Variants in IQCH observed in about 807,000 individuals in gnomAD.
The protein encoded by IQCH is IQ motif containing H.
A neutral mutation model predicts 117.0 loss-of-function variants in IQCH; 98 were observed. The observed-to-expected ratio is 0.84, with a 90% CI of 0.71 to 0.99. The LOEUF is 0.99. Among genes scored for constraint, IQCH ranks in the 50% least tolerant of loss-of-function variants. IQCH has a pLI of 0.00. For missense variants in IQCH, 1,102 were observed against 1,243.8 expected (o/e 0.89, Z 1.72); for synonymous variants, 412 against 448.2 (o/e 0.92, Z 1.02).
At chr15:67,489,738 G>C (rs760013701) in intron 18 of IQCH, among the ~76,000 whole-genome samples, 8 of 151,672 alleles carry the variant, frequency 5.3e-5, no homozygotes, top group Non-Finnish European at 1.5e-5. Context: ...GAGCTTGCAT[G>C]ATGCCCATGA....
chr15:67,437,301 G>C (rs946606607), intron 16 of IQCH, among the ~76,000 whole-genome samples: 1 of 152,164 alleles, frequency 6.6e-6, no homozygotes, highest in Non-Finnish European at 1.5e-5. Context: ...ACCCAGAAGA[G>C]AGACAACAAT....
Position 67,431,181 on chromosome 15 carries a change from T to G in IQCH, c.2505+9604T>G, listed in dbSNP as rs938319655. On this transcript the variant is annotated intron_variant, in intron 16 of 20. Coordinates refer to ENST00000335894, the MANE Select transcript of IQCH (RefSeq NM_001031715.3). The surrounding 1 kb of genome is among the most constrained non-coding windows in gnomAD (Gnocchi z 4.8). The stretch of plus-strand genomic sequence containing the variant: ...TAAGTCTTACAAATATCATGTTGGA[T>G]TCACCTCAAGTAAATATACATTTAT... Among the ~76,000 whole-genome samples the G allele has an allele frequency of 2.6e-5, 4 of 152,176 alleles. No homozygotes were observed. The highest frequency in any genetic ancestry group is 4.4e-5 in the Non-Finnish European group (3 of 68,038).
chr15:67,324,018 A>G (rs905451054), intron 4 of IQCH, among the ~76,000 whole-genome samples: 1 of 131,098 alleles, frequency 7.6e-6, no homozygotes, highest in African/African-American at 3.0e-5. Flanking sequence ...ATCTCGGCTC[A>G]CTGCAACCTC....
chr15:67,477,640 T>C (rs2083238183), intron 18 of IQCH, among the ~76,000 whole-genome samples: 1 of 152,208 alleles, frequency 6.6e-6, no homozygotes, highest in South Asian at 2.1e-4. Context: ...ATTAAATAGA[T>C]TTTAACCCCA....
At position 67,388,925 on chromosome 15, in the gene IQCH, C is replaced by T; in HGVS notation, c.1551C>T (p.Val517=). ...AAATCCTAAGTCTACATGCAGCCGT[C>T]AAATCTGGGAACCTTGAGGACAGAA... The part of the protein sequence containing the change: ...YKKILSLHAA[V]KSGNLEDRSD... The change falls in exon 12 of 21, where the codon GTC becomes GTT. Residue 517 remains valine, a synonymous_variant. Coordinates refer to ENST00000335894, the MANE Select transcript of IQCH (RefSeq NM_001031715.3). The surrounding 1 kb of genome is among the most constrained non-coding windows in gnomAD (Gnocchi z 5.5). 6.2e-7 allele frequency: 1 copy of T among 1,613,940 alleles called. No homozygotes were observed.
intron 4 of IQCH, among the ~76,000 whole-genome samples, chr15:67,290,941 G>A (rs539642478): frequency 5.0e-5 from 4 of 79,754 alleles, no homozygotes; most frequent in African/African-American, 7.0e-5. Context: ...AGCACTGCTG[G>A]CCTTTATGGG....
intron 18 of IQCH, among the ~76,000 whole-genome samples, chr15:67,477,671 T>C (rs1368751180): frequency 1.3e-5 from 2 of 152,200 alleles, no homozygotes; most frequent in Non-Finnish European, 2.9e-5. Context: ...ATAAAACACT[T>C]CCACATTCCA....
In IQCH at chr15:67,417,605, T is replaced by C. The variant is rs1357530975; in HGVS notation, c.2218+554T>C. On this transcript the variant is annotated intron_variant, in intron 15 of 20. Transcript: ENST00000335894. The surrounding 1 kb of genome is among the most constrained non-coding windows in gnomAD (Gnocchi z 4.3). ...CTACAATCCAGGAACAAAGCGAGCC[T>C]CCATTCCTTTCATCCTCCTCCTCCT... Among the ~76,000 whole-genome samples the C allele has an allele frequency of 6.6e-6, 1 of 152,176 alleles. No individual in the cohort carries two copies. Among genetic ancestry groups the C allele is most frequent in the Non-Finnish European group, 1.5e-5 (1 of 68,030 alleles).
intron 12 of IQCH, among the ~76,000 whole-genome samples, chr15:67,389,917 G>A (rs1191276499): frequency 1.3e-5 from 2 of 151,096 alleles, no homozygotes; most frequent in African/African-American, 2.4e-5. Context: ...CTAAGGAAAG[G>A]CCTGCCAGGA....
At chr15:67,375,753 A>G (rs957759996) in intron 10 of IQCH, among the ~76,000 whole-genome samples, 9 of 150,162 alleles carry the variant, frequency 6.0e-5, no homozygotes, top group African/African-American at 2.2e-4. Context: ...TTGATCATAT[A>G]GTATTTGTTT....
intron 16 of IQCH, among the ~76,000 whole-genome samples, chr15:67,462,427 CAA>C (rs57819872): frequency 8.1e-4 from 95 of 117,378 alleles, no homozygotes; most frequent in African/African-American, 2.6e-3. Flanking sequence ...GACTCCATCT[CAA>C]AAAAAAAAAA....
chr15:67,408,014 G>C lies in IQCH; in HGVS notation c.2097+7709G>C, dbSNP rs1392642235. The C allele has an allele frequency of 6.6e-6, 1 of 152,250 alleles. No individual in the cohort carries two copies. Among genetic ancestry groups the C allele is most frequent in the Non-Finnish European group, 1.5e-5 (1 of 68,052 alleles). The allele number at this position is 152,250 out of a possible 1,614,324, so 9.4% of individuals were successfully genotyped here. A position where few individuals can be genotyped will look rare whatever the true frequency, so the allele number is the denominator to read the frequency against. ...TGTTACTCCCACCATCTGGGGACTGGAGGAGAGGCAAATGCTTGAAAACAG... is the reference window on the plus strand; with the variant it reads ...TGTTACTCCCACCATCTGGGGACTGCAGGAGAGGCAAATGCTTGAAAACAG... On this transcript the variant is annotated intron_variant, in intron 14 of 20. Coordinates refer to ENST00000335894, the MANE Select transcript of IQCH (RefSeq NM_001031715.3). This position sits in a 1 kb window ranked among gnomAD's most constrained non-coding sequence, Gnocchi z 4.2.
chr15:67,368,889 T>C (rs1215266633), intron 8 of IQCH, among the ~76,000 whole-genome samples: 1 of 152,138 alleles, frequency 6.6e-6, no homozygotes, highest in Non-Finnish European at 1.5e-5. Context: ...TTTATTTATT[T>C]ATTTATTTAT....
rs1374213652 is a variant in IQCH, at chr15:67,369,601, GGAAA to G, written c.754-2502_754-2499del. On this transcript the variant is annotated intron_variant, in intron 8 of 20. Transcript: ENST00000335894. This position sits in a 1 kb window ranked among gnomAD's most constrained non-coding sequence, Gnocchi z 5.2. ...AGAAGGCAGAGGAAAAGAAAAAGAA[GGAAA>G]GAAAGAAGAAAGAAAGCCAACAAAT... is the stretch of plus-strand genomic sequence containing the variant. Among the ~76,000 whole-genome samples, 2 of 152,024 alleles carry G rather than the reference GGAAA, an allele frequency of 1.3e-5. No homozygotes were observed. The highest frequency in any genetic ancestry group is 3.9e-4 in the East Asian group (2 of 5,178).
At chr15:67,319,873 C>T (rs1968030345) in intron 4 of IQCH, among the ~76,000 whole-genome samples, 1 of 152,210 alleles carries the variant, frequency 6.6e-6, no homozygotes. Context: ...TAAACTCTTA[C>T]ACACATACAT....
rs199777107 is a variant in IQCH at position 67,421,600 on chromosome 15, G to A, written c.2505+23G>A. ...CAGGTAAGTTGAATGGATGCCATAC[G>A]AAATGCTAAAATATGTAATGACTCC... On this transcript the variant is annotated intron_variant, in intron 16 of 20. Transcript: ENST00000335894. 94 of 1,612,276 alleles carry A rather than the reference G, an allele frequency of 5.8e-5. No homozygotes were observed. The East Asian group carries it at 7.1e-4, about 12-fold the overall frequency.
In IQCH at chr15:67,344,280, C is replaced by A. The variant is rs189576498; in HGVS notation, c.637+89C>A. ...AGCCTTCTAGTAGCCAACTTTTGTC[C>A]TCAATAATAGGACAAGATGAAAGTT... On this transcript the variant is annotated intron_variant, in intron 6 of 20. Coordinates refer to ENST00000335894, the MANE Select transcript of IQCH (RefSeq NM_001031715.3). 481 of 1,206,550 alleles carry A rather than the reference C, an allele frequency of 4.0e-4. No homozygotes were observed. In the African/African-American group the frequency reaches 6.4e-3, roughly 16 times the overall value. 74.7% of individuals were successfully genotyped at this position (1,206,550 alleles called of 1,614,324 possible).
rs541782495 is a variant in IQCH, at chr15:67,428,847, C to CAA, written c.2505+7285_2505+7286dup. ...CTGGTGACAGAGTGAGACTCTGTCT[C>CAA]AAAAAAAAAAAAAAAAGAGAGAGAG... On this transcript the variant is annotated intron_variant, in intron 16 of 20. Coordinates refer to ENST00000335894, the MANE Select transcript of IQCH (RefSeq NM_001031715.3). 4.9e-3 allele frequency among the ~76,000 whole-genome samples: 398 copies of CAA among 81,172 alleles called. 4 individuals are homozygous for CAA. Among genetic ancestry groups the CAA allele is most frequent in the East Asian group, 0.029 (90 of 3,098 alleles). The allele number at this position is 81,172 out of a possible 152,430, so 53.3% of individuals were successfully genotyped here.
chr15:67,484,272 G>T (rs2083414556), intron 18 of IQCH, among the ~76,000 whole-genome samples: 1 of 151,996 alleles, frequency 6.6e-6, no homozygotes, highest in African/African-American at 2.4e-5. Flanking sequence ...AGGGCACGGT[G>T]GCACACACCT....
Sources: gnomAD v4.1 joint callset for allele counts (sites outside exome capture counted in the v4.1 genomes callset) on GRCh38, gnomAD v4.1.1 for gene constraint, Gnocchi (gnomAD v3.1) non-coding constraint, MANE v1.5 for transcripts, NCBI Gene and HGNC (gene_info 2026-07-23, HGNC 2026-07-21) for gene names.